Variants in FTSJ1 observed in about 807,000 individuals in gnomAD.
FTSJ1 encodes FtsJ RNA 2'-O-methyltransferase 1.
FTSJ1 carries 3 observed loss-of-function variants against 28.5 expected under a neutral mutation model. The observed-to-expected ratio is 0.11, with a 90% confidence interval of 0.05 to 0.27. The LOEUF is 0.27. FTSJ1 is among the 10% of genes least tolerant of loss of function. The pLI, the probability that FTSJ1 is intolerant of heterozygous loss-of-function variation, is 1.00. For missense variants in FTSJ1, 162 were observed against 279.0 expected (o/e 0.58, Z 2.99); for synonymous variants, 104 against 113.9 (o/e 0.91, Z 0.55).
At chrX:48,485,067 G>T (rs1556969729) in intron 12 of FTSJ1, among the ~76,000 whole-genome samples, 1 of 111,702 alleles carries the variant, frequency 9.0e-6, no homozygotes, top group Admixed American at 9.6e-5. Context: ...GCCGAGGTGG[G>T]TGGATCACCT....
intron 8 of FTSJ1, 48 bp downstream of exon 8, chrX:48,481,576 G>A (rs370068310): frequency 1.7e-6 from 2 of 1,149,436 alleles, no homozygotes; most frequent in Admixed American, 2.2e-5. Context: ...TCTCTGGGAC[G>A]CCGACTGCAC....
At chrX:48,481,809 G>T in intron 9 of FTSJ1, 94 bp downstream of exon 9, 1 of 599,164 alleles carries the variant, frequency 1.7e-6, no homozygotes, top group Non-Finnish European at 2.9e-6. Flanking sequence ...CCCTGGGGGA[G>T]GCTCTGTCCC....
rs181411434 is a variant in FTSJ1 at position 48,478,763 on chromosome X, G to T, written c.282+56G>T. ...ATCCTGGGTGAAGGCCCTTACCTGGGGTCTATGCAGAGTGGAAGAGAAACA... is the reference window on the plus strand; with the variant it reads ...ATCCTGGGTGAAGGCCCTTACCTGGTGTCTATGCAGAGTGGAAGAGAAACA... On this transcript the variant is annotated intron_variant, in intron 4 of 12. Transcript: ENST00000348411. 1.7e-5 allele frequency: 14 copies of T among 825,361 alleles called. No homozygotes were observed. The East Asian group carries it at 2.7e-4, about 16-fold the overall frequency. The allele number at this position is 825,361 out of a possible 1,213,427, so 68.0% of individuals were successfully genotyped here.
chrX:48,483,897 G>A (rs2061585305), intron 12 of FTSJ1, among the ~76,000 whole-genome samples: 1 of 111,232 alleles, frequency 9.0e-6, no homozygotes, highest in South Asian at 3.8e-4. Flanking sequence ...GTTTATCTGA[G>A]GGAAGAGCAT....
chrX:48,480,677 GAAGAT>G (rs782028993), intron 5 of FTSJ1, among the ~76,000 whole-genome samples: 133 of 111,429 alleles, frequency 1.2e-3, no homozygotes, highest in Non-Finnish European at 2.3e-3. Context: ...GTGGAGAGGA[GAAGAT>G]CAAGTCAGAT....
intron 5 of FTSJ1, 61 bp from the exon 6 acceptor site, chrX:48,481,089 GT>G (rs1208729626): frequency 7.3e-6 from 7 of 961,356 alleles, no homozygotes; most frequent in Non-Finnish European, 1.0e-5. Context: ...TCTGATCTGT[GT>G]GGTACAAGAA....
At position 48,476,276 on chromosome X, in the gene FTSJ1, C is replaced by T. The variant is rs1230297421; in HGVS notation, c.-208C>T. On this transcript the variant is annotated 5_prime_UTR_variant, in exon 1 of 13. Transcript: ENST00000348411. ...TTGCCACGCTGCGACAGCCCATAGG[C>T]TTGCCCCCCCGGGCATTCGGGTGGA... 3.4e-6 allele frequency: 1 copy of T among 297,705 alleles called. No individual in the cohort carries two copies. The highest frequency in any genetic ancestry group is 4.8e-5 in the East Asian group (1 of 21,051). The allele number at this position is 297,705 out of a possible 1,213,427, so 24.5% of individuals were successfully genotyped here. A position where few individuals can be genotyped will look rare whatever the true frequency, so the allele number is the denominator to read the frequency against.
At chrX:48,478,364 A>C (rs2061546351) in intron 2 of FTSJ1, 85 bp from the exon 3 acceptor site, 2 of 971,287 alleles carry the variant, frequency 2.1e-6, no homozygotes, top group Admixed American at 4.8e-5. Context: ...GGTGCTCCCC[A>C]GGGGAGAGGG....
rs1356361484 is a variant in FTSJ1 at position 48,486,231 on chromosome X, G to A, written c.*505G>A. 2 of 111,593 alleles carry A rather than the reference G, an allele frequency of 1.8e-5. No individual in the cohort carries two copies. The highest frequency in any genetic ancestry group is 6.5e-5 in the African/African-American group (2 of 30,651). 9.2% of individuals were successfully genotyped at this position (111,593 alleles called of 1,213,427 possible). A position where few individuals can be genotyped will look rare whatever the true frequency, so the allele number is the denominator to read the frequency against. On this transcript the variant is annotated 3_prime_UTR_variant, in exon 13 of 13. Transcript: ENST00000348411. ...GCATCTTGAAGTATTGTTCATATTT[G>A]TCACCTCTTGGAATGATAGCAGATC...
chrX:48,477,359 T>C (rs1556966646), intron 1 of FTSJ1, among the ~76,000 whole-genome samples: 1 of 111,272 alleles, frequency 9.0e-6, no homozygotes, highest in African/African-American at 3.3e-5. Flanking sequence ...AAATCAGTAA[T>C]TGAATGCTTA....
Position 48,476,355 on chromosome X carries a change from A to T in FTSJ1, c.-129A>T. On this transcript the variant is annotated 5_prime_UTR_variant, in exon 1 of 13. Coordinates refer to ENST00000348411, the MANE Select transcript of FTSJ1 (RefSeq NM_012280.4). ...TTGTCGCCCGTTTGCGCTCTCGCCG[A>T]GGCACAGGCTGCTCGCGGACCACCC... 1 of 297,730 alleles carries T rather than the reference A, an allele frequency of 3.4e-6. No homozygotes were observed. The highest frequency in any genetic ancestry group is 5.9e-6 in the Non-Finnish European group (1 of 170,055). The allele number at this position is 297,730 out of a possible 1,213,427, so 24.5% of individuals were successfully genotyped here.
Position 48,483,026 on chromosome X carries a change from C to T in FTSJ1, c.*8C>T, listed in dbSNP as rs201095751. Reference sequence around the variant, plus strand: ...ATGAGTTGTTCACCTTAACCCATTACGGTAAGTTTGCCTTGTTATCTAAGA... The same window carrying T: ...ATGAGTTGTTCACCTTAACCCATTATGGTAAGTTTGCCTTGTTATCTAAGA... On this transcript the variant is annotated splice_region_variant and 3_prime_UTR_variant, in exon 12 of 13. Transcript: ENST00000348411. 1,354 of 1,193,254 alleles carry T rather than the reference C, an allele frequency of 1.1e-3. No homozygotes were observed. The highest frequency in any genetic ancestry group is 1.4e-3 in the Non-Finnish European group (1,247 of 879,708).
At chrX:48,480,840 G>C (rs782217272) in intron 5 of FTSJ1, among the ~76,000 whole-genome samples, 2 of 111,025 alleles carry the variant, frequency 1.8e-5, no homozygotes, top group South Asian at 7.6e-4. Context: ...GGTTTGGGGA[G>C]GTAGGTCAGG....
Position 48,476,309 on chromosome X carries a change from C to T in FTSJ1, c.-175C>T. On this transcript the variant is annotated 5_prime_UTR_variant, in exon 1 of 13. Coordinates refer to ENST00000348411, the MANE Select transcript of FTSJ1 (RefSeq NM_012280.4). ...CCCGGGCATTCGGGTGGACTACGAA[C>T]ACAAACTGAAGCCCTAGGACTTGTC... 6.7e-6 allele frequency: 2 copies of T among 298,336 alleles called. No individual in the cohort carries two copies. Among genetic ancestry groups the T allele is most frequent in the African/African-American group, 2.7e-5 (1 of 37,341 alleles). The allele number at this position is 298,336 out of a possible 1,213,427, so 24.6% of individuals were successfully genotyped here. A position where few individuals can be genotyped will look rare whatever the true frequency, so the allele number is the denominator to read the frequency against.
chrX:48,477,278 T>C (rs1042924657), intron 1 of FTSJ1, among the ~76,000 whole-genome samples: 1 of 110,572 alleles, frequency 9.0e-6, no homozygotes, highest in Non-Finnish European at 1.9e-5. Context: ...ATGAAAGAGT[T>C]ACAGGGCAGG....
At chrX:48,478,291 A>G in intron 2 of FTSJ1, 123 bp downstream of exon 2, 2 of 856,484 alleles carry the variant, frequency 2.3e-6, no homozygotes, top group Non-Finnish European at 3.4e-6. Flanking sequence ...GGGCAGGGAG[A>G]CAGGCAGGAA....
chrX:48,478,771 C>T, intron 4 of FTSJ1, 64 bp downstream of exon 4: 1 of 778,573 alleles, frequency 1.3e-6, no homozygotes. Flanking sequence ...GGGGTCTATG[C>T]AGAGTGGAAG....
intron 1 of FTSJ1, among the ~76,000 whole-genome samples, chrX:48,477,196 AT>A (rs2061538225): frequency 9.0e-6 from 1 of 111,029 alleles, no homozygotes; most frequent in Non-Finnish European, 1.9e-5. Context: ...CCAGTGATGG[AT>A]CCATGGAGAG....
chrX:48,481,147 A>G lies in FTSJ1; in HGVS notation c.362-4A>G, dbSNP rs1321759376. ...CCCCCCTAACGCTGTTCCTCTTGCC[A>G]CAGTAACCGGTCTCCATGATGTTGA... On this transcript the variant is annotated splice_region_variant and splice_polypyrimidine_tract_variant and intron_variant, in intron 5 of 12. Transcript: ENST00000348411. 12 of 1,206,278 alleles carry G rather than the reference A, an allele frequency of 9.9e-6. No individual in the cohort carries two copies. In the Middle Eastern group the frequency reaches 1.1e-3, roughly 115 times the overall value.
Sources: allele counts gnomAD v4.1 joint callset (sites outside exome capture counted in the v4.1 genomes callset), GRCh38; gene constraint gnomAD v4.1.1; transcripts MANE v1.5; gene names NCBI Gene and HGNC (gene_info 2026-07-23, HGNC 2026-07-21).